TRIO: variants seen among roughly 807,000 people sequenced by gnomAD.
The protein encoded by TRIO is triple functional domain protein.
A neutral mutation model predicts 351.9 loss-of-function variants in TRIO; 58 were observed. That is an observed-to-expected ratio of 0.16 (90% CI 0.13 to 0.21). The LOEUF is 0.21. Ranked by LOEUF, TRIO falls within the 10% of genes least tolerant of loss-of-function variation. The pLI, the probability that TRIO is intolerant of heterozygous loss-of-function variation, is 1.00. For missense variants in TRIO, 3,201 were observed against 4,027.8 expected (o/e 0.79, Z 5.56); for synonymous variants, 1,758 against 1,595.7 (o/e 1.10, Z -2.42).
At chr5:14,502,134 G>T (rs1044919937) in intron 53 of TRIO, among the ~76,000 whole-genome samples, 3 of 152,204 alleles carry the variant, frequency 2.0e-5, no homozygotes, top group African/African-American at 7.2e-5. Context: ...GAAAGGAGGC[G>T]TGGGGAGGAG....
At chr5:14,374,462 T>TTAACATGAAACG in intron 19 of TRIO, 119 bp downstream of exon 19, 2 of 631,186 alleles carry the variant, frequency 3.2e-6, no homozygotes, top group Non-Finnish European at 5.3e-6. Flanking sequence ...GTCCGTTTCA[T>TTAACATGAAACG]GTTAATGAAG....
chr5:14,330,061 G>A (rs150607164), intron 9 of TRIO, among the ~76,000 whole-genome samples: 29 of 152,316 alleles, frequency 1.9e-4, no homozygotes, highest in African/African-American at 7.0e-4. Flanking sequence ...TAGTTTGTTA[G>A]ATATTGTCAG....
intron 25 of TRIO, among the ~76,000 whole-genome samples, chr5:14,390,023 C>T (rs1391836734): frequency 6.6e-6 from 1 of 152,180 alleles, no homozygotes; most frequent in Non-Finnish European, 1.5e-5. Context: ...AGTGAACACA[C>T]TAGCACTTGC....
At chr5:14,465,506 C>A in intron 36 of TRIO, 39 bp from the exon 37 acceptor site, 2 of 1,601,772 alleles carry the variant, frequency 1.2e-6, no homozygotes, top group Non-Finnish European at 1.7e-6. Context: ...TAATGTGAGC[C>A]CTTGCCCCAC....
At chr5:14,198,047 G>A (rs184824740) in intron 1 of TRIO, among the ~76,000 whole-genome samples, 2 of 152,236 alleles carry the variant, frequency 1.3e-5, no homozygotes, top group East Asian at 3.9e-4. Flanking sequence ...CTTAAATCAT[G>A]TACAGAATTG....
rs1380434826 is a variant in TRIO at position 14,368,824 on chromosome 5, A to G, written c.2991A>G (p.Gln997=). 1 of 1,614,194 alleles carries G rather than the reference A, an allele frequency of 6.2e-7. No individual in the cohort carries two copies. The highest frequency in any genetic ancestry group is 1.3e-5 in the African/African-American group (1 of 75,050). ...CCGAGAAGGTGGCGTCTCACTGGCAACAGCTCATGCTCAAGATGGAAGATC... is the reference window on the plus strand; with the variant it reads ...CCGAGAAGGTGGCGTCTCACTGGCAGCAGCTCATGCTCAAGATGGAAGATC... ...DCAEKVASHW[Q]QLMLKMEDRL... The change falls in exon 17 of 57, where the codon CAA becomes CAG. Residue 997 remains glutamine (Q), a synonymous_variant. Transcript: ENST00000344204.
At chr5:14,320,665 T>C (rs575062986) in intron 9 of TRIO, among the ~76,000 whole-genome samples, 1 of 152,324 alleles carries the variant, frequency 6.6e-6, no homozygotes, top group Admixed American at 6.5e-5. Context: ...ATTCTTTTTT[T>C]CTCTTTCCAA....
chr5:14,257,279 G>T (rs970560890), intron 1 of TRIO, among the ~76,000 whole-genome samples: 4 of 152,226 alleles, frequency 2.6e-5, no homozygotes, highest in African/African-American at 9.6e-5. Context: ...GCTGCAAAGC[G>T]TTGTGATAGC....
chr5:14,382,855 C>CTGTG (rs34448636), intron 21 of TRIO, among the ~76,000 whole-genome samples: 1 of 144,464 alleles, frequency 6.9e-6, no homozygotes, highest in Non-Finnish European at 1.5e-5. Context: ...GTGTGTGTGT[C>CTGTG]TGTGTGTGTG....
intron 29 of TRIO, among the ~76,000 whole-genome samples, chr5:14,397,547 G>A (rs1401248072): frequency 6.6e-6 from 1 of 152,186 alleles, no homozygotes; most frequent in Non-Finnish European, 1.5e-5. Context: ...ACTTGCTAGA[G>A]CCTGGAACAT....
At chr5:14,188,211 T>TGTG (rs1790240004) in intron 1 of TRIO, among the ~76,000 whole-genome samples, 1 of 152,234 alleles carries the variant, frequency 6.6e-6, no homozygotes, top group Non-Finnish European at 1.5e-5. Flanking sequence ...TATTTTGTGA[T>TGTG]GTGGTTTTCA....
Position 14,500,049 on chromosome 5 carries a change from TC to T in TRIO, c.8332+1410del, listed in dbSNP as rs1266606966. ...CTGGGTGACAGAGCGAGACTCTGTCTCAAAAAAAAAAAAAAAAAAAGACTAT... is the reference window on the plus strand; with the variant it reads ...CTGGGTGACAGAGCGAGACTCTGTCTAAAAAAAAAAAAAAAAAAAGACTAT... On this transcript the variant is annotated intron_variant, in intron 53 of 56. Transcript: ENST00000344204. Among the ~76,000 whole-genome samples the T allele has an allele frequency of 1.3e-3, 99 of 77,130 alleles. 2 individuals carry two copies. Among genetic ancestry groups the T allele is most frequent in the Middle Eastern group, 0.011 (1 of 90 alleles). The allele number at this position is 77,130 out of a possible 152,430, so 50.6% of individuals were successfully genotyped here. A position where few individuals can be genotyped will look rare whatever the true frequency, so the allele number is the denominator to read the frequency against.
chr5:14,215,530 A>G (rs546404760), intron 1 of TRIO, among the ~76,000 whole-genome samples: 13 of 152,350 alleles, frequency 8.5e-5, no homozygotes, highest in African/African-American at 2.2e-4. Context: ...AACTTCTGCA[A>G]ACTTTGGTTT....
chr5:14,175,981 A>T (rs1482223516), intron 1 of TRIO, among the ~76,000 whole-genome samples: 1 of 152,228 alleles, frequency 6.6e-6, no homozygotes, highest in Non-Finnish European at 1.5e-5. Flanking sequence ...ATCAACCATA[A>T]TTCTTATTTA....
chr5:14,344,183 G>T (rs929561040), intron 11 of TRIO, among the ~76,000 whole-genome samples: 3 of 152,176 alleles, frequency 2.0e-5, no homozygotes, highest in African/African-American at 7.2e-5. Flanking sequence ...TAACAGCCTA[G>T]AACTGTCGAC....
chr5:14,375,240 A>G (rs1452046156), intron 19 of TRIO, among the ~76,000 whole-genome samples: 2 of 152,232 alleles, frequency 1.3e-5, no homozygotes, highest in Non-Finnish European at 2.9e-5. Flanking sequence ...GTTTTTCTGC[A>G]TGAATAAGTC....
chr5:14,504,377 C>T lies in TRIO; in HGVS notation c.8412-16C>T, dbSNP rs1561571696. The T allele has an allele frequency of 1.2e-6, 2 of 1,613,894 alleles. No individual in the cohort carries two copies. The highest frequency in any genetic ancestry group is 3.3e-5 in the Admixed American group (2 of 60,024). ...TCAGCAGCCTCTGCAAATGGTCCCC[C>T]TGACATATTTTACAGGGGCAGATTC... On this transcript the variant is annotated splice_polypyrimidine_tract_variant and intron_variant, in intron 54 of 56. Coordinates refer to ENST00000344204, the MANE Select transcript of TRIO (RefSeq NM_007118.4).
intron 41 of TRIO, 67 bp from the exon 42 acceptor site, chr5:14,479,194 G>T: frequency 1.5e-6 from 2 of 1,309,144 alleles, no homozygotes; most frequent in Non-Finnish European, 2.2e-6. Context: ...GAAATGTGCG[G>T]GTACTCGTGT....
intron 1 of TRIO, among the ~76,000 whole-genome samples, chr5:14,230,101 GCAA>G (rs1793309344): frequency 6.6e-6 from 1 of 152,140 alleles, no homozygotes; most frequent in African/African-American, 2.4e-5. Context: ...GGTCCTATTG[GCAA>G]CTCATATATT....
Sources: allele counts gnomAD v4.1 joint callset (sites outside exome capture counted in the v4.1 genomes callset), GRCh38; gene constraint gnomAD v4.1.1; transcripts MANE v1.5; gene names NCBI Gene and HGNC (gene_info 2026-07-23, HGNC 2026-07-21).